The following DNAAF5 variants were observed in gnomAD, a reference collection of about 807,000 sequenced individuals.
The protein encoded by DNAAF5 is HEAT repeat containing 2.
Under a neutral mutation model 75.8 loss-of-function variants are expected in DNAAF5, and 64 were observed. The observed-to-expected ratio is 0.84, with a 90% CI of 0.69 to 1.04. DNAAF5 has a LOEUF of 1.04. Ranked by LOEUF, DNAAF5 falls within the 50% of genes least tolerant of loss-of-function variation. DNAAF5 has a pLI of 0.00. For synonymous variants in DNAAF5, 657 were observed against 557.2 expected, an observed-to-expected ratio of 1.18 and a Z score of -2.52; for missense variants, 1,269 against 1,178.5, an observed-to-expected ratio of 1.08 and a Z score of -1.12.
At chr7:759,520 A>G (rs1413079343) in intron 6 of DNAAF5, among the ~76,000 whole-genome samples, 1 of 152,222 alleles carries the variant, frequency 6.6e-6, no homozygotes, top group East Asian at 1.9e-4. Context: ...GCTTTTCTGA[A>G]TTAAAAACCT....
chr7:785,128 G>T (rs561329207), intron 12 of DNAAF5, among the ~76,000 whole-genome samples: 1 of 151,954 alleles, frequency 6.6e-6, no homozygotes, highest in Non-Finnish European at 1.5e-5. Context: ...TGCCGTGCAC[G>T]TGGCCAGCAG....
Position 774,306 on chromosome 7 carries a change from C to T in DNAAF5, c.2082+108C>T, listed in dbSNP as rs192892153. On this transcript the variant is annotated intron_variant, in intron 10 of 12. Transcript: ENST00000297440. ...GAACTTGGGCAGGCAGCAGCTGCAC[C>T]TCCACCTGGGGCCCGTACCCCAAGA... The T allele has an allele frequency of 1.2e-3, 1,442 of 1,192,548 alleles. 12 individuals are homozygous for T. In the African/African-American group the frequency reaches 0.019, roughly 16 times the overall value. 73.9% of individuals were successfully genotyped at this position (1,192,548 alleles called of 1,614,324 possible). A position where few individuals can be genotyped will look rare whatever the true frequency, so the allele number is the denominator to read the frequency against.
intron 4 of DNAAF5, among the ~76,000 whole-genome samples, chr7:750,094 G>C (rs891267261): frequency 2.0e-5 from 3 of 152,224 alleles, no homozygotes; most frequent in African/African-American, 7.2e-5. Context: ...TAAGGACCAC[G>C]TGGAGGAGGG....
intron 12 of DNAAF5, among the ~76,000 whole-genome samples, chr7:783,281 A>G (rs939511723): frequency 3.3e-5 from 5 of 152,128 alleles, no homozygotes; most frequent in Non-Finnish European, 7.3e-5. Flanking sequence ...CCTGGTGCCC[A>G]CTCGCGGGTG....
At position 727,043 on chromosome 7, in the gene DNAAF5, C is replaced by T; in HGVS notation, c.323C>T (p.Ala108Val). The T allele has an allele frequency of 9.0e-7, 1 of 1,109,444 alleles. No individual in the cohort carries two copies. Among genetic ancestry groups the T allele is most frequent in the African/African-American group, 1.7e-5 (1 of 59,960 alleles). 68.7% of individuals were successfully genotyped at this position (1,109,444 alleles called of 1,614,324 possible). ...CTGGATCTGGGCCTGCGCCGCGCCG[C>T]GCGGCCCCGCGATGCCCTGCCGCGC... ...HLLDLGLRRA[A>V]RPRDALPRLL... is the part of the protein sequence containing the mutation. Residue 108 changes from alanine to valine, a missense_variant, in exon 1 of 13, where the codon GCG (alanine) becomes GTG (valine). Transcript: ENST00000297440.
chr7:749,276 C>T (rs1782216266), intron 4 of DNAAF5, among the ~76,000 whole-genome samples: 1 of 152,180 alleles, frequency 6.6e-6, no homozygotes, highest in African/African-American at 2.4e-5. Flanking sequence ...GACAGCGGCT[C>T]CAGAGTCCTT....
At chr7:782,673 TC>T (rs1779007830) in intron 12 of DNAAF5, among the ~76,000 whole-genome samples, 1 of 117,706 alleles carries the variant, frequency 8.5e-6, no homozygotes, top group Non-Finnish European at 1.7e-5. Context: ...AACTCGATCT[TC>T]CTGGCGTGGC....
rs1459892038 is a variant in DNAAF5 at position 770,545 on chromosome 7, C to T, written c.1858C>T (p.Gln620Ter). 6.2e-7 allele frequency: 1 copy of T among 1,613,870 alleles called. No homozygotes were observed. Among genetic ancestry groups the T allele is most frequent in the African/African-American group, 1.3e-5 (1 of 74,948 alleles). ...CTGTCTGCAGCCCTCCCAAGACCCG[C>T]AGATGCGCCTGAAGCTGTTCTCCAT... ...RACLQPSQDP[Q>*]MRLKLFSILS... is the part of the protein sequence containing the mutation. Residue 620 changes from glutamine to a stop codon, truncating the protein, a stop_gained, in exon 9 of 13, where the codon CAG becomes TAG. Coordinates refer to ENST00000297440, the MANE Select transcript of DNAAF5 (RefSeq NM_017802.4). LOFTEE classifies it high-confidence loss of function.
intron 8 of DNAAF5, among the ~76,000 whole-genome samples, 171 bp from the exon 9 acceptor site, chr7:770,299 TC>T (rs1316828456): frequency 6.6e-6 from 1 of 152,218 alleles, no homozygotes; most frequent in African/African-American, 2.4e-5. Context: ...GTTAAAATTT[TC>T]TGCTGCTTTT....
intron 11 of DNAAF5, among the ~76,000 whole-genome samples, chr7:779,409 A>T (rs1174967339): frequency 2.0e-5 from 3 of 152,172 alleles, no homozygotes; most frequent in African/African-American, 7.2e-5. Context: ...AAGATGATGT[A>T]AAAAAAGCAT....
intron 2 of DNAAF5, among the ~76,000 whole-genome samples, chr7:737,560 A>AT (rs1454002672): frequency 6.6e-6 from 1 of 152,086 alleles, no homozygotes; most frequent in East Asian, 1.9e-4. Context: ...CAGCATCCTT[A>AT]TTTTTCAGAT....
chr7:780,826 C>CTTTTTTTTTTT (rs201445917), intron 12 of DNAAF5, among the ~76,000 whole-genome samples: 58 of 131,186 alleles, frequency 4.4e-4, no homozygotes, highest in Middle Eastern at 7.8e-3. Flanking sequence ...TTTTTTTTTT[C>CTTTTTTTTTTT]TTTTTTTTTT....
chr7:757,950 C>T (rs894354931), intron 6 of DNAAF5, among the ~76,000 whole-genome samples: 2 of 152,228 alleles, frequency 1.3e-5, no homozygotes, highest in Non-Finnish European at 2.9e-5. Flanking sequence ...TCTCCGTCCT[C>T]AGAACGAGAG....
At chr7:739,791 A>C (rs1003123229) in intron 2 of DNAAF5, among the ~76,000 whole-genome samples, 9 of 152,190 alleles carry the variant, frequency 5.9e-5, no homozygotes, top group Admixed American at 3.9e-4. Flanking sequence ...GGCGGATCCT[A>C]GGTGCGTCTG....
rs777008597 is a variant in DNAAF5, at chr7:756,852, C to T, written c.1328C>T (p.Thr443Met). Reference protein sequence around the residue: ...PEVFLKLILSTLKKTPSASGL... With the variant: ...PEVFLKLILSMLKKTPSASGL... ...GTGTTTCTGAAGCTGATCTTATCGA[C>T]GCTGAAGAAGACGCCCTCTGCCTCC... is the stretch of plus-strand genomic sequence containing the variant. Residue 443 changes from threonine (T) to methionine (M), a missense_variant, in exon 6 of 13, where the codon ACG becomes ATG. Physicochemically the swap from Thr to Met is moderately conservative, Grantham distance 81. Transcript: ENST00000297440. 14 of 1,613,856 alleles carry T rather than the reference C, an allele frequency of 8.7e-6. No homozygotes were observed. The East Asian group carries it at 8.9e-5, about 10-fold the overall frequency.
At chr7:781,480 G>T (rs1338433284) in intron 12 of DNAAF5, among the ~76,000 whole-genome samples, 1 of 152,184 alleles carries the variant, frequency 6.6e-6, no homozygotes, top group Admixed American at 6.5e-5. Context: ...GGCATTCGGC[G>T]TGCGCGTGCA....
At chr7:785,495 A>G (rs1400048169) in intron 12 of DNAAF5, 22 bp from the exon 13 acceptor site, 2 of 1,610,722 alleles carry the variant, frequency 1.2e-6, no homozygotes, top group African/African-American at 2.7e-5. Context: ...TGGCATGTTC[A>G]AGGTGTTTTT....
chr7:785,560 G>A lies in DNAAF5; in HGVS notation c.2475G>A (p.Val825=), dbSNP rs762526450. ...EGSGLFPDLL[V]RETEAVIHKH... is the part of the protein sequence containing the mutation. ...GCGGGCTGTTCCCAGATCTCCTGGT[G>A]AGGGAGACGGAGGCCGTCATCCACA... Residue 825 remains valine, a synonymous_variant, in exon 13 of 13, where the codon GTG becomes GTA. Coordinates refer to ENST00000297440, the MANE Select transcript of DNAAF5 (RefSeq NM_017802.4). 31 of 1,613,436 alleles carry A rather than the reference G, an allele frequency of 1.9e-5. No homozygotes were observed. The highest frequency in any genetic ancestry group is 2.5e-5 in the Non-Finnish European group (30 of 1,180,016).
In DNAAF5 at chr7:741,347, G is replaced by A. The variant is rs1403483274; in HGVS notation, c.906G>A (p.Arg302=). 1.9e-6 allele frequency: 3 copies of A among 1,587,222 alleles called. No homozygotes were observed. In the Admixed American group the frequency reaches 5.4e-5, roughly 29 times the overall value. ...CTGTTGTCTGTCTGTTGTGCCTCAG[G>A]CAGCTGGCTGCCAGCCTCTGGGAGG... ...SSLNDEVPEV[R]QLAASLWEDV... is the part of the protein sequence containing the mutation. Residue 302 remains arginine (R), a splice_region_variant and synonymous_variant, in exon 4 of 13, where the codon AGG becomes AGA. Transcript: ENST00000297440.
Sources: gnomAD v4.1 joint callset for allele counts (sites outside exome capture counted in the v4.1 genomes callset) on GRCh38, gnomAD v4.1.1 for gene constraint, MANE v1.5 for transcripts, NCBI Gene and HGNC (gene_info 2026-07-23, HGNC 2026-07-21) for gene names.